The following PTPN6 variants were observed in gnomAD, a reference collection of about 807,000 sequenced individuals.
PTPN6 encodes the protein protein tyrosine phosphatase non-receptor type 6, also known as tyrosine-protein phosphatase non-receptor type 6.
A neutral mutation model predicts 81.5 loss-of-function variants in PTPN6; 18 were observed. The observed-to-expected ratio is 0.22, with a 90% CI of 0.15 to 0.33. The LOEUF is 0.33. PTPN6 is among the 10% of genes least tolerant of loss of function. The probability of loss-of-function intolerance (pLI) is 1.00; values close to 1 mark genes in which losing one functional copy is unlikely to be tolerated. For synonymous variants in PTPN6, 301 were observed against 310.9 expected, an observed-to-expected ratio of 0.97 and a Z score of 0.33; for missense variants, 500 against 794.2, an observed-to-expected ratio of 0.63 and a Z score of 4.45.
rs952749693 is a variant in PTPN6 at position 6,951,404 on chromosome 12, C to T, written c.-109C>T. 1.9e-6 allele frequency: 3 copies of T among 1,551,142 alleles called. No individual in the cohort carries two copies. The highest frequency in any genetic ancestry group is 2.7e-5 in the African/African-American group (2 of 73,114). On this transcript the variant is annotated 5_prime_UTR_variant, in exon 1 of 16. Coordinates refer to ENST00000318974, the MANE Select transcript of PTPN6 (RefSeq NM_002831.6). The surrounding 1 kb of genome is among the most constrained non-coding windows in gnomAD (Gnocchi z 7.2). Reference sequence around the variant, plus strand: ...GGGACCACCGGGGGTGGTGAGGCGGCCCGGCACTGGGAGCTGCATCTGAGG... The same window carrying T: ...GGGACCACCGGGGGTGGTGAGGCGGTCCGGCACTGGGAGCTGCATCTGAGG...
chr12:6,951,517 T>C lies in PTPN6; in HGVS notation c.5T>C (p.Val2Ala). The C allele has an allele frequency of 6.2e-7, 1 of 1,613,498 alleles. No individual in the cohort carries two copies. Residue 2 changes from valine (V) to alanine (A), a missense_variant, in exon 1 of 16, where the codon GTG (valine) becomes GCG (alanine). By Grantham distance (64) the Val-to-Ala change is moderately conservative. This residue lies in a region of PTPN6 where 98 missense variants were observed against 199.2 expected (regional missense o/e 0.49). Coordinates refer to ENST00000318974, the MANE Select transcript of PTPN6 (RefSeq NM_002831.6). This position sits in a 1 kb window ranked among gnomAD's most constrained non-coding sequence, Gnocchi z 7.2. Reference protein sequence around the residue: MVRWFHRDLSGL... With the variant: MARWFHRDLSGL... ...TCCTCTCCGGAAGCCCCCAGGATGG[T>C]GAGGTAAGGGCCTGCCACCCACGGT...
rs1555147893 is a variant in PTPN6, at chr12:6,952,193, C to T, written c.326+16C>T. ...CTAGTGAGAGGTGAGGGCTCCGCACCCCCGCCATTCCCAAGCAGGGATGAG... is the reference window on the plus strand; with the variant it reads ...CTAGTGAGAGGTGAGGGCTCCGCACTCCCGCCATTCCCAAGCAGGGATGAG... On this transcript the variant is annotated intron_variant, in intron 3 of 15. Transcript: ENST00000318974. The surrounding 1 kb of genome is among the most constrained non-coding windows in gnomAD (Gnocchi z 8.1). The T allele has an allele frequency of 1.2e-6, 2 of 1,612,914 alleles. No homozygotes were observed. Among genetic ancestry groups the T allele is most frequent in the Non-Finnish European group, 8.5e-7 (1 of 1,179,800 alleles).
rs1555148234 is a variant in PTPN6 at position 6,954,505 on chromosome 12, C to T, written c.327-300C>T. ...GAGGCTGCAGAGAGCTGTAACCGCG[C>T]CACTGCACTCCAGCCTGGGCAACAG... On this transcript the variant is annotated intron_variant, in intron 3 of 15. Coordinates refer to ENST00000318974, the MANE Select transcript of PTPN6 (RefSeq NM_002831.6). This position sits in a 1 kb window ranked among gnomAD's most constrained non-coding sequence, Gnocchi z 5.4. Among the ~76,000 whole-genome samples, 1 of 152,222 alleles carries T rather than the reference C, an allele frequency of 6.6e-6. No individual in the cohort carries two copies. Among genetic ancestry groups the T allele is most frequent in the African/African-American group, 2.4e-5 (1 of 41,446 alleles).
upstream of PTPN6, among the ~76,000 whole-genome samples, chr12:6,947,829 C>A (rs1945854535): frequency 6.6e-6 from 1 of 151,976 alleles, no homozygotes; most frequent in Admixed American, 6.6e-5. Flanking sequence ...GGCCATGTGA[C>A]GTAGTGATCA....
At position 6,960,312 on chromosome 12, in the gene PTPN6, C is replaced by T. The variant is rs922077577; in HGVS notation, c.1582-32C>T. 12 of 1,610,580 alleles carry T rather than the reference C, an allele frequency of 7.5e-6. No individual in the cohort carries two copies. Among genetic ancestry groups the T allele is most frequent in the Admixed American group, 3.3e-5 (2 of 59,912 alleles). ...TGGGTGCCACCTGGCCCTGCTGGGA[C>T]CACCACCTTCCCACTGTCCCTCTGC... On this transcript the variant is annotated intron_variant, in intron 13 of 15. Coordinates refer to ENST00000318974, the MANE Select transcript of PTPN6 (RefSeq NM_002831.6). This position sits in a 1 kb window ranked among gnomAD's most constrained non-coding sequence, Gnocchi z 6.1.
rs1468613421 is a variant in PTPN6, at chr12:6,960,914, G to C, written c.1782G>C (p.Arg594Ser). 6.4e-7 allele frequency: 1 copy of C among 1,565,832 alleles called. No homozygotes were observed. The highest frequency in any genetic ancestry group is 8.7e-7 in the Non-Finnish European group (1 of 1,154,872). The change falls in exon 15 of 16, where the codon AGG becomes AGC. Residue 594 changes from arginine (R) to serine (S), a missense_variant. Arg to Ser is a moderately radical substitution (Grantham distance 110). This residue lies in a region of PTPN6 where 56 missense variants were observed against 56.4 expected (regional missense o/e 0.99). Transcript: ENST00000318974. This position sits in a 1 kb window ranked among gnomAD's most constrained non-coding sequence, Gnocchi z 6.1. Reference protein sequence around the residue: ...DKEKSKGSLKRK With the variant: ...DKEKSKGSLKSK The stretch of plus-strand genomic sequence containing the variant: ...AGAAGAGCAAGGGTTCCCTCAAGAG[G>C]AAGTGAGCGGTGCTGTCCTCAGGTG...
chr12:6,956,797 C>T lies in PTPN6; in HGVS notation c.1074+229C>T, dbSNP rs755777433. 5.3e-5 allele frequency among the ~76,000 whole-genome samples: 8 copies of T among 152,258 alleles called. No individual in the cohort carries two copies. The highest frequency in any genetic ancestry group is 1.2e-4 in the Non-Finnish European group (8 of 68,006). ...CAGACCCAGGTTCCAGGCTGTCCTC[C>T]TTCCTCCTACCCCTGCCCCACCTGT... is the stretch of plus-strand genomic sequence containing the variant. On this transcript the variant is annotated intron_variant, in intron 9 of 15. Transcript: ENST00000318974. The surrounding 1 kb of genome is among the most constrained non-coding windows in gnomAD (Gnocchi z 4.1).
At chr12:6,947,536 G>C (rs1945846126), upstream of PTPN6, among the ~76,000 whole-genome samples, 1 of 152,048 alleles carries the variant, frequency 6.6e-6, no homozygotes. Context: ...GGGTGTGGTG[G>C]CACACGTCCT....
At position 6,956,847 on chromosome 12, in the gene PTPN6, C is replaced by G. The variant is rs1946040994; in HGVS notation, c.1074+279C>G. ...TCTGCATCCAGGCCCCTCCTGTCCT[C>G]CCTGCCCCATAGATCTCTCTGGAGT... On this transcript the variant is annotated intron_variant, in intron 9 of 15. Transcript: ENST00000318974. This position sits in a 1 kb window ranked among gnomAD's most constrained non-coding sequence, Gnocchi z 4.1. Among the ~76,000 whole-genome samples the G allele has an allele frequency of 6.6e-6, 1 of 152,108 alleles. No individual in the cohort carries two copies. The highest frequency in any genetic ancestry group is 1.5e-5 in the Non-Finnish European group (1 of 68,016).
At position 6,961,227 on chromosome 12, in the gene PTPN6, C is replaced by CA. The variant is rs1565586165; in HGVS notation, c.*128dup. 4.6e-6 allele frequency: 2 copies of CA among 433,776 alleles called. No homozygotes were observed. The highest frequency in any genetic ancestry group is 4.0e-5 in the African/African-American group (2 of 49,620). The allele number at this position is 433,776 out of a possible 1,614,324, so 26.9% of individuals were successfully genotyped here. On this transcript the variant is annotated 3_prime_UTR_variant, in exon 16 of 16. Coordinates refer to ENST00000318974, the MANE Select transcript of PTPN6 (RefSeq NM_002831.6). Reference sequence around the variant, plus strand: ...GTAATTTAAATGGCTGCATCCCCCCCACCTCTCCCTGACCCTGTATATAGC... The same window carrying CA: ...GTAATTTAAATGGCTGCATCCCCCCCAACCTCTCCCTGACCCTGTATATAGC...
At position 6,956,753 on chromosome 12, in the gene PTPN6, C is replaced by T. The variant is rs1376861075; in HGVS notation, c.1074+185C>T. 6.6e-6 allele frequency among the ~76,000 whole-genome samples: 1 copy of T among 152,144 alleles called. No individual in the cohort carries two copies. Among genetic ancestry groups the T allele is most frequent in the Non-Finnish European group, 1.5e-5 (1 of 68,004 alleles). Reference sequence around the variant, plus strand: ...TGACCCCCAGATCCCTGCATGCATCCCTGGGCTCTTCTGAGCTCCAGACCC... The same window carrying T: ...TGACCCCCAGATCCCTGCATGCATCTCTGGGCTCTTCTGAGCTCCAGACCC... On this transcript the variant is annotated intron_variant, in intron 9 of 15. Coordinates refer to ENST00000318974, the MANE Select transcript of PTPN6 (RefSeq NM_002831.6). This position sits in a 1 kb window ranked among gnomAD's most constrained non-coding sequence, Gnocchi z 4.1.
At chr12:6,948,266 G>A (rs782217503), upstream of PTPN6, among the ~76,000 whole-genome samples, 6 of 151,806 alleles carry the variant, frequency 4.0e-5, no homozygotes, top group South Asian at 4.2e-4. Context: ...CTACGACTAC[G>A]ACTACTACTA....
chr12:6,954,708 G>A lies in PTPN6; in HGVS notation c.327-97G>A. ...CATGTAGCGCAGTGCCTGGCACACA[G>A]TAGGTGCTTGATTTCCGGCCCCTCT... On this transcript the variant is annotated intron_variant, in intron 3 of 15. Transcript: ENST00000318974. The surrounding 1 kb of genome is among the most constrained non-coding windows in gnomAD (Gnocchi z 5.4). 8.0e-7 allele frequency: 1 copy of A among 1,255,908 alleles called. No homozygotes were observed. The highest frequency in any genetic ancestry group is 1.3e-5 in the South Asian group (1 of 78,988). The allele number at this position is 1,255,908 out of a possible 1,614,324, so 77.8% of individuals were successfully genotyped here. A position where few individuals can be genotyped will look rare whatever the true frequency, so the allele number is the denominator to read the frequency against.
chr12:6,948,251 C>T (rs1484764742), upstream of PTPN6, among the ~76,000 whole-genome samples: 1 of 151,976 alleles, frequency 6.6e-6, no homozygotes, highest in Non-Finnish European at 1.5e-5. Flanking sequence ...GAGACCTCAT[C>T]TCTACTACGA....
Position 6,961,167 on chromosome 12 carries a change from C to G in PTPN6, c.*67C>G. On this transcript the variant is annotated 3_prime_UTR_variant, in exon 16 of 16. Coordinates refer to ENST00000318974, the MANE Select transcript of PTPN6 (RefSeq NM_002831.6). ...GTGGAAGCATTTCGCGATGGACAGA[C>G]TCACAACCTGAACCTAGGAGTGCCC... The G allele has an allele frequency of 1.6e-6, 1 of 640,648 alleles. No individual in the cohort carries two copies. The highest frequency in any genetic ancestry group is 2.6e-6 in the Non-Finnish European group (1 of 383,768). 39.7% of individuals were successfully genotyped at this position (640,648 alleles called of 1,614,324 possible).
chr12:6,946,779 G>A (rs1044127498), upstream of PTPN6: 24 of 1,590,794 alleles, frequency 1.5e-5, no homozygotes, highest in Admixed American at 3.7e-4. Context: ...TCTCCTGTTA[G>A]TTTTGGAGGG....
upstream of PTPN6, among the ~76,000 whole-genome samples, chr12:6,948,485 GA>G (rs1382548530): frequency 1.7e-5 from 2 of 119,456 alleles, no homozygotes; most frequent in Non-Finnish European, 3.5e-5. Flanking sequence ...AAGGAAGAAA[GA>G]AAAAGAGAAA....
chr12:6,947,246 A>G (rs1555146964), upstream of PTPN6, among the ~76,000 whole-genome samples: 1 of 152,250 alleles, frequency 6.6e-6, no homozygotes, highest in Admixed American at 6.5e-5. Context: ...AGATGCTGGT[A>G]ATACTGGAGT....
Position 6,955,800 on chromosome 12 carries a change from C to T in PTPN6, c.844+44C>T. On this transcript the variant is annotated intron_variant, in intron 7 of 15. Transcript: ENST00000318974. The surrounding 1 kb of genome is among the most constrained non-coding windows in gnomAD (Gnocchi z 7.2). ...CCATTCACCCAGGATACCGCCCCTG[C>T]CCCAGCTGCCTCCCCTCATCTCACA... 6.5e-7 allele frequency: 1 copy of T among 1,545,074 alleles called. No individual in the cohort carries two copies. Among genetic ancestry groups the T allele is most frequent in the Non-Finnish European group, 8.9e-7 (1 of 1,118,134 alleles).
Sources: gnomAD v4.1 joint callset for allele counts (sites outside exome capture counted in the v4.1 genomes callset) on GRCh38, gnomAD v4.1.1 for gene constraint, gnomAD v4.1.1 regional missense constraint, Gnocchi (gnomAD v3.1) non-coding constraint, MANE v1.5 for transcripts, NCBI Gene and HGNC (gene_info 2026-07-23, HGNC 2026-07-21) for gene names.